SLC25A42: variants seen among roughly 807,000 people sequenced by gnomAD.
SLC25A42 encodes the protein solute carrier family 25 member 42, also known as mitochondrial coenzyme A transporter SLC25A42.
A neutral mutation model predicts 34.7 loss-of-function variants in SLC25A42; 19 were observed. That is an observed-to-expected ratio of 0.55 (90% CI 0.38 to 0.80). The LOEUF is 0.80. Among genes scored for constraint, SLC25A42 ranks in the 30% least tolerant of loss-of-function variants. The pLI is 0.00. For synonymous variants in SLC25A42, 205 were observed against 191.2 expected (o/e 1.07, Z -0.59); for missense variants, 364 against 441.3 (o/e 0.82, Z 1.57).
rs551497438 is a variant in SLC25A42 at position 19,074,940 on chromosome 19, C to T, written c.-35+10825C>T. ...CAGAGGCAGGTCGACTGCTTGAGGC[C>T]AGGAGTTTGAGACCAGCCTGGGCAG... On this transcript the variant is annotated intron_variant, in intron 1 of 7. Coordinates refer to ENST00000318596, the MANE Select transcript of SLC25A42 (RefSeq NM_178526.5). 7.9e-5 allele frequency among the ~76,000 whole-genome samples: 12 copies of T among 152,130 alleles called. No individual in the cohort carries two copies. The South Asian group carries it at 2.5e-3, about 32-fold the overall frequency.
chr19:19,103,893 T>C (rs1599688039), intron 3 of SLC25A42, among the ~76,000 whole-genome samples: 1 of 10,574 alleles, frequency 9.5e-5, no homozygotes, highest in South Asian at 4.2e-3. Context: ...GCCTTATTTA[T>C]TTATTTATTT....
intron 5 of SLC25A42, chr19:19,105,929 C>A: frequency 1.7e-6 from 1 of 580,332 alleles, no homozygotes; most frequent in South Asian, 2.2e-5. Context: ...ATTCTGTCTT[C>A]AGAGCTCCTC....
chr19:19,071,081 A>G (rs2059627871), intron 1 of SLC25A42, among the ~76,000 whole-genome samples: 1 of 147,110 alleles, frequency 6.8e-6, no homozygotes, highest in South Asian at 2.1e-4. Context: ...ATCACAGCTC[A>G]CTGCCACCTC....
chr19:19,074,057 G>GTAACTGGGTC lies in SLC25A42; in HGVS notation c.-35+9943_-35+9944insAACTGGGTCT, dbSNP rs1568507925. 1.1e-4 allele frequency among the ~76,000 whole-genome samples: 17 copies of GTAACTGGGTC among 152,332 alleles called. No homozygotes were observed. In the East Asian group the frequency reaches 3.3e-3, roughly 29 times the overall value. ...ACAGTTACTGAAGTAGACCCTCTTAGTGGAGGAATGTGAGTACCATTCAGT... is the reference window on the plus strand; with the variant it reads ...ACAGTTACTGAAGTAGACCCTCTTAGTAACTGGGTCTGGAGGAATGTGAGTACCATTCAGT... On this transcript the variant is annotated intron_variant, in intron 1 of 7. Coordinates refer to ENST00000318596, the MANE Select transcript of SLC25A42 (RefSeq NM_178526.5).
intron 1 of SLC25A42, among the ~76,000 whole-genome samples, chr19:19,085,590 A>G (rs1056491803): frequency 6.6e-6 from 1 of 152,178 alleles, no homozygotes; most frequent in Admixed American, 6.5e-5. Context: ...CATTTTGCTC[A>G]GGCTGGTCTT....
chr19:19,101,065 G>A (rs1236009923), intron 2 of SLC25A42, among the ~76,000 whole-genome samples: 2 of 152,148 alleles, frequency 1.3e-5, no homozygotes, highest in African/African-American at 2.4e-5. Context: ...ACTCCAACCT[G>A]ATGGGCAGGT....
At chr19:19,106,104 A>C in intron 5 of SLC25A42, 165 bp from the exon 6 acceptor site, 1 of 628,180 alleles carries the variant, frequency 1.6e-6, no homozygotes, top group Non-Finnish European at 2.8e-6. Context: ...GGCCCACTCC[A>C]GAGACCCCAT....
intron 1 of SLC25A42, among the ~76,000 whole-genome samples, chr19:19,088,964 C>T (rs1258229743): frequency 1.3e-5 from 2 of 152,018 alleles, no homozygotes; most frequent in African/African-American, 2.4e-5. Flanking sequence ...TGCACCACCA[C>T]ACCTGGCTAA....
At chr19:19,069,363 TGGAGGCTTG>T (rs761527058) in intron 1 of SLC25A42, among the ~76,000 whole-genome samples, 2 of 152,136 alleles carry the variant, frequency 1.3e-5, no homozygotes, top group African/African-American at 2.4e-5. Context: ...GGCCAACACT[TGGAGGCTTG>T]GCCTCAGATC....
chr19:19,096,234 G>A, intron 2 of SLC25A42, 29 bp downstream of exon 2: 3 of 1,592,554 alleles, frequency 1.9e-6, no homozygotes, highest in Non-Finnish European at 2.6e-6. Flanking sequence ...TGGGATGGGT[G>A]TTCTCCTGGG....
intron 1 of SLC25A42, among the ~76,000 whole-genome samples, chr19:19,088,016 G>A (rs986648415): frequency 2.6e-5 from 4 of 152,162 alleles, no homozygotes; most frequent in Non-Finnish European, 5.9e-5. Flanking sequence ...CACTGACCAG[G>A]TCCTGAGCAT....
At position 19,096,178 on chromosome 19, in the gene SLC25A42, T is replaced by C. The variant is rs779332675; in HGVS notation, c.54T>C (p.Ala18=). 1.2e-5 allele frequency: 20 copies of C among 1,613,858 alleles called. No individual in the cohort carries two copies. Among genetic ancestry groups the C allele is most frequent in the Non-Finnish European group, 1.7e-5 (20 of 1,179,962 alleles). Residue 18 remains alanine, a synonymous_variant, in exon 2 of 8, where the codon GCT becomes GCC. Transcript: ENST00000318596. ...TGCGATTGCATGAGGATGCTGAGGCTGTCCTGTCCTCGTCCGTCTCATCAA... is the reference window on the plus strand; with the variant it reads ...TGCGATTGCATGAGGATGCTGAGGCCGTCCTGTCCTCGTCCGTCTCATCAA... The part of the protein sequence containing the change: ...GPVRLHEDAE[A]VLSSSVSSKR...
chr19:19,095,324 A>G (rs1338837619), intron 1 of SLC25A42, among the ~76,000 whole-genome samples: 2 of 150,384 alleles, frequency 1.3e-5, no homozygotes, highest in Non-Finnish European at 3.0e-5. Context: ...GGTGGGGGAA[A>G]AAAAAAAGGC....
intron 6 of SLC25A42, chr19:19,106,793 C>T (rs940906041): frequency 6.6e-6 from 1 of 152,136 alleles, no homozygotes; most frequent in Non-Finnish European, 1.5e-5. Context: ...ATTAGCCGGG[C>T]GTGGTGACAC....
At chr19:19,100,162 C>T (rs1223127719) in intron 2 of SLC25A42, among the ~76,000 whole-genome samples, 2 of 151,668 alleles carry the variant, frequency 1.3e-5, no homozygotes, top group East Asian at 2.0e-4. Context: ...GCCAACATGG[C>T]GAAACCTCAT....
At chr19:19,085,722 C>T (rs1438318319) in intron 1 of SLC25A42, among the ~76,000 whole-genome samples, 1 of 152,176 alleles carries the variant, frequency 6.6e-6, no homozygotes, top group African/African-American at 2.4e-5. Context: ...CCCATTCTCA[C>T]CCCCACATGC....
In SLC25A42 at chr19:19,108,017, CTA is replaced by C; in HGVS notation, c.623_624del (p.Tyr208Ter). On this transcript the variant is annotated frameshift_variant, in exon 7 of 8. Transcript: ENST00000318596. LOFTEE classifies it high-confidence loss of function. Reference sequence around the variant, plus strand: ...CCTACGCTGGCCTGAGCTTCTTCACCTATGAGACGCTCAAGAGCTTGCACAGA... The same window carrying C: ...CCTACGCTGGCCTGAGCTTCTTCACCTGAGACGCTCAAGAGCTTGCACAGA... ...IPYAGLSFFTYETLKSLHREY... is the reference protein window; with the variant it reads ...IPYAGLSFFTXETLKSLHREY... 3.1e-6 allele frequency: 5 copies of C among 1,602,108 alleles called. No homozygotes were observed. Among genetic ancestry groups the C allele is most frequent in the Non-Finnish European group, 4.3e-6 (5 of 1,173,208 alleles).
At position 19,110,765 on chromosome 19, in the gene SLC25A42, CG is replaced by C; in HGVS notation, c.848del (p.Gly283AlafsTer6). 1.2e-6 allele frequency: 2 copies of C among 1,613,336 alleles called. No individual in the cohort carries two copies. Among genetic ancestry groups the C allele is most frequent in the Non-Finnish European group, 1.7e-6 (2 of 1,179,894 alleles). On this transcript the variant is annotated frameshift_variant, in exon 8 of 8. Coordinates refer to ENST00000318596, the MANE Select transcript of SLC25A42 (RefSeq NM_178526.5). LOFTEE classifies it high-confidence loss of function. ...TIVREEGAVR[G>X]LYKGLSMNWV... is the part of the protein sequence containing the mutation. The stretch of plus-strand genomic sequence containing the variant: ...TCGTGCGGGAGGAGGGCGCCGTGCG[CG>C]GCCTCTACAAAGGCTTGAGCATGAA...
At chr19:19,110,172 C>A (rs1423837763) in intron 7 of SLC25A42, among the ~76,000 whole-genome samples, 1 of 152,070 alleles carries the variant, frequency 6.6e-6, no homozygotes, top group East Asian at 1.9e-4. Flanking sequence ...CATGGAGAAA[C>A]CCTGTCTCTA....
Sources: allele counts gnomAD v4.1 joint callset (sites outside exome capture counted in the v4.1 genomes callset), GRCh38; gene constraint gnomAD v4.1.1; transcripts MANE v1.5; gene names NCBI Gene and HGNC (gene_info 2026-07-23, HGNC 2026-07-21).